Variants in NOSTRIN observed in about 807,000 individuals in gnomAD.
NOSTRIN encodes the protein BM247 homolog.
In NOSTRIN, 63 loss-of-function variants were observed where a neutral mutation model predicts 59.0. The observed-to-expected ratio is 1.07, with a 90% confidence interval of 0.87 to 1.32. The LOEUF is 1.32. NOSTRIN is among the 40% of genes most tolerant of loss of function. The pLI is 0.00. For missense variants in NOSTRIN, 512 were observed against 473.1 expected (o/e 1.08, Z -0.76); for synonymous variants, 200 against 165.4 (o/e 1.21, Z -1.61).
In NOSTRIN at chr2:168,865,099, C is replaced by T. The variant is rs1689782471; in HGVS notation, c.*129C>T. 5 of 931,750 alleles carry T rather than the reference C, an allele frequency of 5.4e-6. No individual in the cohort carries two copies. The South Asian group carries it at 6.9e-5, about 13-fold the overall frequency. The allele number at this position is 931,750 out of a possible 1,614,324, so 57.7% of individuals were successfully genotyped here. A position where few individuals can be genotyped will look rare whatever the true frequency, so the allele number is the denominator to read the frequency against. On this transcript the variant is annotated 3_prime_UTR_variant, in exon 16 of 16. Transcript: ENST00000317647. ...TGGATGGAGTTCTACCTGCATGTCACAGCACTTTGCATTCATGATTATTAG... is the reference window on the plus strand; with the variant it reads ...TGGATGGAGTTCTACCTGCATGTCATAGCACTTTGCATTCATGATTATTAG...
chr2:168,845,600 C>T (rs1020774640), intron 8 of NOSTRIN, among the ~76,000 whole-genome samples: 1 of 152,144 alleles, frequency 6.6e-6, no homozygotes, highest in Non-Finnish European at 1.5e-5. Flanking sequence ...AGATCCTCTA[C>T]ATGTTTCCCC....
At chr2:168,821,492 C>T (rs942986851) in intron 2 of NOSTRIN, among the ~76,000 whole-genome samples, 3 of 152,242 alleles carry the variant, frequency 2.0e-5, no homozygotes, top group Non-Finnish European at 4.4e-5. Flanking sequence ...AAGCACTCTT[C>T]TAGGCCTAGG....
At chr2:168,788,343 C>T (rs1287908852) in intron 2 of NOSTRIN, among the ~76,000 whole-genome samples, 1 of 151,864 alleles carries the variant, frequency 6.6e-6, no homozygotes, top group Non-Finnish European at 1.5e-5. Flanking sequence ...GTCCCTAAAC[C>T]TCAAATAGGA....
intron 6 of NOSTRIN, among the ~76,000 whole-genome samples, chr2:168,833,267 C>A (rs28652913): frequency 6.6e-6 from 1 of 152,138 alleles, no homozygotes; most frequent in Non-Finnish European, 1.5e-5. Context: ...ATGCGTCACA[C>A]TCTCATTTCC....
At chr2:168,791,407 G>C (rs556192636) in intron 2 of NOSTRIN, among the ~76,000 whole-genome samples, 1 of 152,266 alleles carries the variant, frequency 6.6e-6, no homozygotes, top group East Asian at 1.9e-4. Flanking sequence ...GGACATTTGG[G>C]TTGGTTCCAA....
intron 2 of NOSTRIN, chr2:168,818,242 C>T (rs1471533303): frequency 6.9e-6 from 3 of 436,960 alleles, no homozygotes; most frequent in African/African-American, 6.0e-5. Context: ...CAGCCTCAGA[C>T]TCCTGTGCTC....
chr2:168,840,496 C>G (rs1345429648), intron 7 of NOSTRIN, among the ~76,000 whole-genome samples: 1 of 144,482 alleles, frequency 6.9e-6, no homozygotes, highest in Non-Finnish European at 1.5e-5. Flanking sequence ...TGCCACTGCA[C>G]TCCAGCCTGG....
At position 168,864,864 on chromosome 2, in the gene NOSTRIN, A is replaced by T. The variant is rs939386114; in HGVS notation, c.1415A>T (p.Glu472Val). 9 of 1,613,900 alleles carry T rather than the reference A, an allele frequency of 5.6e-6. No individual in the cohort carries two copies. The highest frequency in any genetic ancestry group is 7.6e-6 in the Non-Finnish European group (9 of 1,179,944). ...ATTGTGATTATACACGAGAAAAAAG[A>T]AGGAGGATGGTGGTTTGGATCTTTG... ...GDIVIIHEKK[E>V]GGWWFGSLNG... Residue 472 changes from glutamate (E) to valine (V), a missense_variant, in exon 16 of 16, where the codon GAA (glutamate) becomes GTA (valine). Transcript: ENST00000317647.
At chr2:168,838,582 G>A (rs1290303994) in intron 7 of NOSTRIN, among the ~76,000 whole-genome samples, 1 of 151,802 alleles carries the variant, frequency 6.6e-6, no homozygotes, top group Non-Finnish European at 1.5e-5. Context: ...TATCTCCACT[G>A]CTGACATCCT....
Position 168,855,372 on chromosome 2 carries a change from A to C in NOSTRIN, c.876A>C (p.Ala292=), listed in dbSNP as rs773898904. Residue 292 remains alanine, a synonymous_variant, in exon 11 of 16, where the codon GCA becomes GCC. Coordinates refer to ENST00000317647, the MANE Select transcript of NOSTRIN (RefSeq NM_001039724.4). ...TAAAGGAAGAAGATCCTAACAGTGC[A>C]ATGGATAAAGAGAGACGAAAGTCTT... The part of the protein sequence containing the change: ...TDYFEEDPNS[A]MDKERRKSLL... 5.0e-6 allele frequency: 8 copies of C among 1,595,468 alleles called. No homozygotes were observed. The highest frequency in any genetic ancestry group is 1.7e-4 in the Middle Eastern group (1 of 6,042).
rs560294743 is a variant in NOSTRIN at position 168,852,070 on chromosome 2, G to A, written c.855+666G>A. 7.2e-5 allele frequency among the ~76,000 whole-genome samples: 11 copies of A among 152,298 alleles called. No homozygotes were observed. In the Middle Eastern group the frequency reaches 0.014, roughly 188 times the overall value. On this transcript the variant is annotated intron_variant, in intron 10 of 15. Coordinates refer to ENST00000317647, the MANE Select transcript of NOSTRIN (RefSeq NM_001039724.4). Reference sequence around the variant, plus strand: ...GCAAAATGAGTGATCAAGACAGACAGAGCCAGAGTGCCCAAGAAATTATAA... The same window carrying A: ...GCAAAATGAGTGATCAAGACAGACAAAGCCAGAGTGCCCAAGAAATTATAA...
At chr2:168,823,029 T>G (rs934854438) in intron 2 of NOSTRIN, among the ~76,000 whole-genome samples, 1 of 152,186 alleles carries the variant, frequency 6.6e-6, no homozygotes, top group Admixed American at 6.5e-5. Context: ...GTTTTTGTTT[T>G]TGTTTGAGAT....
intron 7 of NOSTRIN, among the ~76,000 whole-genome samples, chr2:168,842,590 C>T (rs972409427): frequency 6.6e-6 from 1 of 152,184 alleles, no homozygotes; most frequent in African/African-American, 2.4e-5. Context: ...TCTACCTAAC[C>T]TGGTAAGAAG....
chr2:168,794,122 G>T (rs78629098), upstream of NOSTRIN, among the ~76,000 whole-genome samples: 1 of 152,172 alleles, frequency 6.6e-6, no homozygotes, highest in Non-Finnish European at 1.5e-5. Context: ...ATTGGCACTT[G>T]TTCCTCCTTG....
chr2:168,796,481 G>A (rs111901561), upstream of NOSTRIN, among the ~76,000 whole-genome samples: 20 of 152,240 alleles, frequency 1.3e-4, no homozygotes, highest in African/African-American at 4.3e-4. Context: ...GTCCCTTTAC[G>A]GTCATCTTGC....
Position 168,855,388 on chromosome 2 carries a change from C to A in NOSTRIN, c.892C>A (p.Arg298=). 1 of 1,607,952 alleles carries A rather than the reference C, an allele frequency of 6.2e-7. No homozygotes were observed. Among genetic ancestry groups the A allele is most frequent in the Non-Finnish European group, 8.5e-7 (1 of 1,175,622 alleles). ...TAACAGTGCAATGGATAAAGAGAGACGAAAGTCTTTACTAAAACCAAAATT... is the reference window on the plus strand; with the variant it reads ...TAACAGTGCAATGGATAAAGAGAGAAGAAAGTCTTTACTAAAACCAAAATT... ...DPNSAMDKER[R]KSLLKPKLLR... Residue 298 remains arginine, a synonymous_variant, in exon 11 of 16, where the codon CGA becomes AGA. Coordinates refer to ENST00000317647, the MANE Select transcript of NOSTRIN (RefSeq NM_001039724.4).
rs535758089 is a variant in NOSTRIN, at chr2:168,823,728, T to G, written c.114-906T>G. The stretch of plus-strand genomic sequence containing the variant: ...ACTGGGGAGTAGGACTTCAACTTCT[T>G]CTTGGGAGACACAATTCAACCCATT... On this transcript the variant is annotated intron_variant, in intron 2 of 15. Coordinates refer to ENST00000317647, the MANE Select transcript of NOSTRIN (RefSeq NM_001039724.4). Among the ~76,000 whole-genome samples, 3 of 152,280 alleles carry G rather than the reference T, an allele frequency of 2.0e-5. No homozygotes were observed. The South Asian group carries it at 6.2e-4, about 32-fold the overall frequency.
chr2:168,824,420 T>A (rs1466911816), intron 2 of NOSTRIN, among the ~76,000 whole-genome samples: 1 of 152,042 alleles, frequency 6.6e-6, no homozygotes, highest in East Asian at 1.9e-4. Flanking sequence ...CACCTCAGCC[T>A]CCCAAGTAGC....
chr2:168,807,184 A>G (rs1346552954), intron 1 of NOSTRIN, among the ~76,000 whole-genome samples: 1 of 152,122 alleles, frequency 6.6e-6, no homozygotes, highest in African/African-American at 2.4e-5. Context: ...GGTAGGAGTG[A>G]GACAACCAAA....
Sources: gnomAD v4.1 joint callset for allele counts (sites outside exome capture counted in the v4.1 genomes callset) on GRCh38, gnomAD v4.1.1 for gene constraint, MANE v1.5 for transcripts, NCBI Gene and HGNC (gene_info 2026-07-23, HGNC 2026-07-21) for gene names.